PTPRQ: variants seen among roughly 807,000 people sequenced by gnomAD.
PTPRQ encodes the protein phosphatidylinositol phosphatase PTPRQ.
PTPRQ carries 199 observed loss-of-function variants against 246.0 expected under a neutral mutation model. The observed-to-expected ratio is 0.81, with a 90% CI of 0.72 to 0.91. PTPRQ has a LOEUF of 0.91. Ranked by LOEUF, PTPRQ falls within the 40% of genes least tolerant of loss-of-function variation. The pLI, the probability that PTPRQ is intolerant of heterozygous loss-of-function variation, is 0.00. For missense variants in PTPRQ, 2,624 were observed against 2,528.4 expected (o/e 1.04, Z -0.81); for synonymous variants, 869 against 853.2 (o/e 1.02, Z -0.32).
At chr12:80,595,526 G>C (rs1378043598) in intron 26 of PTPRQ, among the ~76,000 whole-genome samples, 1 of 151,816 alleles carries the variant, frequency 6.6e-6, no homozygotes, top group Non-Finnish European at 1.5e-5. Flanking sequence ...TTTCATGTTT[G>C]ATATATTCAG....
chr12:80,656,336 T>C (rs909913590), intron 38 of PTPRQ, among the ~76,000 whole-genome samples: 8 of 152,100 alleles, frequency 5.3e-5, no homozygotes, highest in African/African-American at 1.9e-4. Context: ...TTCAAGAGGA[T>C]TATACAAAAT....
chr12:80,447,942 AT>A (rs1892603985), intron 3 of PTPRQ, among the ~76,000 whole-genome samples: 1 of 151,254 alleles, frequency 6.6e-6, no homozygotes, highest in Admixed American at 6.6e-5. Flanking sequence ...GAAAAATTAC[AT>A]TGCTAATTTC....
chr12:80,671,672 G>A (rs1403277246), intron 42 of PTPRQ, among the ~76,000 whole-genome samples: 3 of 152,064 alleles, frequency 2.0e-5, no homozygotes, highest in Non-Finnish European at 4.4e-5. Context: ...CAACTTGACA[G>A]ACTGAATGAC....
chr12:80,549,424 A>G, intron 24 of PTPRQ, 41 bp from the exon 25 acceptor site: 3 of 1,499,042 alleles, frequency 2.0e-6, no homozygotes, highest in Non-Finnish European at 2.7e-6. Flanking sequence ...CTACTTACAT[A>G]TGTATACACT....
intron 24 of PTPRQ, among the ~76,000 whole-genome samples, chr12:80,547,468 T>C (rs1896341176): frequency 6.6e-6 from 1 of 152,128 alleles, no homozygotes; most frequent in Admixed American, 6.6e-5. Flanking sequence ...GGTATGTTAG[T>C]GAATCTTTAA....
At chr12:80,502,494 C>T (rs532879585) in intron 14 of PTPRQ, among the ~76,000 whole-genome samples, 1 of 151,918 alleles carries the variant, frequency 6.6e-6, no homozygotes, top group Non-Finnish European at 1.5e-5. Context: ...CCATTTTCAG[C>T]TATTACACTG....
At chr12:80,579,401 A>G (rs1897367689) in intron 25 of PTPRQ, among the ~76,000 whole-genome samples, 2 of 152,074 alleles carry the variant, frequency 1.3e-5, no homozygotes, top group Admixed American at 6.5e-5. Flanking sequence ...TTTTGTTGCC[A>G]CTTATGTATC....
intron 8 of PTPRQ, among the ~76,000 whole-genome samples, chr12:80,483,869 A>G (rs1408836530): frequency 6.6e-6 from 1 of 152,108 alleles, no homozygotes; most frequent in Non-Finnish European, 1.5e-5. Context: ...TTTGCTGAGA[A>G]TGATGGTTTC....
rs765469896 is a variant in PTPRQ at position 80,669,400 on chromosome 12, T to C, written c.6389T>C (p.Val2130Ala). ...NKPVTVFGDI[V>A]ITKLMEDVQI... ...CCAGTTACTGTCTTTGGAGATATAG[T>C]GATTACAAAGCTAATGGAGGATGTT... The change falls in exon 41 of 45, where the codon GTG becomes GCG. Residue 2130 changes from valine (V) to alanine (A), a missense_variant. Physicochemically the swap from Val to Ala is moderately conservative, Grantham distance 64. Coordinates refer to ENST00000644991, the MANE Select transcript of PTPRQ (RefSeq NM_001145026.2). 178 of 1,549,784 alleles carry C rather than the reference T, an allele frequency of 1.1e-4. No homozygotes were observed. Among genetic ancestry groups the C allele is most frequent in the Non-Finnish European group, 1.4e-4 (159 of 1,146,064 alleles).
intron 15 of PTPRQ, among the ~76,000 whole-genome samples, 166 bp downstream of exon 15, chr12:80,506,372 C>T (rs972236084): frequency 6.6e-6 from 1 of 151,886 alleles, no homozygotes; most frequent in African/African-American, 2.4e-5. Context: ...TGAAAGAATA[C>T]TATAGATCCA....
chr12:80,655,203 T>C (rs1447028201), intron 38 of PTPRQ, among the ~76,000 whole-genome samples: 7 of 152,116 alleles, frequency 4.6e-5, no homozygotes, highest in Non-Finnish European at 1.0e-4. Context: ...GAAGCTGAGA[T>C]AAAAAATTAA....
intron 16 of PTPRQ, among the ~76,000 whole-genome samples, chr12:80,508,592 C>G (rs935504031): frequency 2.0e-5 from 3 of 151,970 alleles, no homozygotes; most frequent in Non-Finnish European, 2.9e-5. Context: ...TCTCAGCTAC[C>G]TTGAGATGCT....
intron 17 of PTPRQ, among the ~76,000 whole-genome samples, chr12:80,528,673 A>C (rs1278203009): frequency 6.6e-6 from 1 of 152,180 alleles, no homozygotes; most frequent in Non-Finnish European, 1.5e-5. Context: ...TGAGGTGACT[A>C]TCTCAAAAAT....
Position 80,679,071 on chromosome 12 carries a change from G to T in PTPRQ, c.*48G>T, listed in dbSNP as rs1208038766. The T allele has an allele frequency of 6.5e-7, 1 of 1,528,802 alleles. No homozygotes were observed. Among genetic ancestry groups the T allele is most frequent in the East Asian group, 2.5e-5 (1 of 40,408 alleles). The allele number at this position is 1,528,802 out of a possible 1,614,324, so 94.7% of individuals were successfully genotyped here. ...TTGGAAGAGATTTTTAAATCCCAGGGGCCAAAGTTACCCCCTCATTCTTCC... is the reference window on the plus strand; with the variant it reads ...TTGGAAGAGATTTTTAAATCCCAGGTGCCAAAGTTACCCCCTCATTCTTCC... On this transcript the variant is annotated 3_prime_UTR_variant, in exon 45 of 45. Transcript: ENST00000644991.
In PTPRQ at chr12:80,659,409, A is replaced by C. The variant is rs576843073; in HGVS notation, c.6192+1348A>C. ...ATATTTACATTTCATCACTACTCTGATAATCAAATGCCATCAAGCAGGACA... is the reference window on the plus strand; with the variant it reads ...ATATTTACATTTCATCACTACTCTGCTAATCAAATGCCATCAAGCAGGACA... On this transcript the variant is annotated intron_variant, in intron 39 of 44. Coordinates refer to ENST00000644991, the MANE Select transcript of PTPRQ (RefSeq NM_001145026.2). 7.2e-5 allele frequency among the ~76,000 whole-genome samples: 11 copies of C among 152,202 alleles called. No homozygotes were observed. In the East Asian group the frequency reaches 1.4e-3, roughly 19 times the overall value.
chr12:80,664,720 C>A (rs1900733719), intron 39 of PTPRQ, among the ~76,000 whole-genome samples: 1 of 151,908 alleles, frequency 6.6e-6, no homozygotes, highest in Non-Finnish European at 1.5e-5. Context: ...ACTAAGCAAG[C>A]ACAACACTGA....
At chr12:80,599,317 C>T (rs893491013) in intron 26 of PTPRQ, among the ~76,000 whole-genome samples, 5 of 151,854 alleles carry the variant, frequency 3.3e-5, no homozygotes, top group Non-Finnish European at 7.4e-5. Context: ...ATCATTCCTA[C>T]TGAGTAAATT....
At chr12:80,537,103 CTT>C (rs1896010959) in intron 19 of PTPRQ, among the ~76,000 whole-genome samples, 1 of 152,136 alleles carries the variant, frequency 6.6e-6, no homozygotes, top group African/African-American at 2.4e-5. Context: ...CTTAAGAATG[CTT>C]TTAAGTGTGA....
chr12:80,510,019 G>T (rs1412086753), intron 16 of PTPRQ, among the ~76,000 whole-genome samples: 1 of 151,900 alleles, frequency 6.6e-6, no homozygotes, highest in Admixed American at 6.6e-5. Flanking sequence ...TTTTATTAGA[G>T]GATGACAGTT....
Sources: allele counts gnomAD v4.1 joint callset (sites outside exome capture counted in the v4.1 genomes callset), GRCh38; gene constraint gnomAD v4.1.1; transcripts MANE v1.5; gene names NCBI Gene and HGNC (gene_info 2026-07-23, HGNC 2026-07-21).